Variants in SLMAP observed in about 807,000 individuals in gnomAD.
The protein encoded by SLMAP is sarcolemma associated protein.
SLMAP carries 44 observed loss-of-function variants against 128.8 expected under a neutral mutation model. The ratio of observed to expected loss-of-function variants is 0.34; its 90% CI spans 0.27 to 0.44. SLMAP has a LOEUF of 0.44. Ranked by LOEUF, SLMAP falls within the 20% of genes least tolerant of loss-of-function variation. The pLI is 1.00. For missense variants in SLMAP, 787 were observed against 985.3 expected, an observed-to-expected ratio of 0.80 and a Z score of 2.69; for synonymous variants, 327 against 348.8, an observed-to-expected ratio of 0.94 and a Z score of 0.70.
chr3:57,789,493 A>T (rs1004279068), intron 2 of SLMAP, among the ~76,000 whole-genome samples: 1 of 152,054 alleles, frequency 6.6e-6, no homozygotes, highest in Non-Finnish European at 1.5e-5. Flanking sequence ...ATAATGAGGA[A>T]CCTGATCATA....
chr3:57,923,634 C>T (rs906389625), intron 23 of SLMAP, among the ~76,000 whole-genome samples: 3 of 152,106 alleles, frequency 2.0e-5, no homozygotes, highest in African/African-American at 4.8e-5. Flanking sequence ...TTGTGTTGTA[C>T]GTTTTGGTGA....
At position 57,929,382 on chromosome 3, in the gene SLMAP, T is replaced by C. The variant is rs2097048822; in HGVS notation, c.*2093T>C. ...TTTTTCTCTTTTAATATGGTTATTG[T>C]TAAAATGAGAGTCACTTGCTAGACT... On this transcript the variant is annotated 3_prime_UTR_variant, in exon 25 of 25. Coordinates refer to ENST00000671191, the MANE Select transcript of SLMAP (RefSeq NM_001377540.1). 6.6e-6 allele frequency among the ~76,000 whole-genome samples: 1 copy of C among 152,222 alleles called. No homozygotes were observed. Among genetic ancestry groups the C allele is most frequent in the Non-Finnish European group, 1.5e-5 (1 of 68,032 alleles).
chr3:57,917,428 G>T, intron 22 of SLMAP: 1 of 318,824 alleles, frequency 3.1e-6, no homozygotes, highest in East Asian at 8.4e-5. Flanking sequence ...GCAAACTGAG[G>T]CCATACTCTA....
In SLMAP at chr3:57,757,758, G is replaced by A; in HGVS notation, c.107G>A (p.Arg36His). 1 of 1,614,118 alleles carries A rather than the reference G, an allele frequency of 6.2e-7. No individual in the cohort carries two copies. The highest frequency in any genetic ancestry group is 8.5e-7 in the Non-Finnish European group (1 of 1,179,984). The change falls in exon 2 of 25, where the codon CGC becomes CAC. Residue 36 changes from arginine (R) to histidine (H), a missense_variant. This residue lies in a region of SLMAP where 72 missense variants were observed against 141.8 expected (regional missense o/e 0.51). Transcript: ENST00000671191. ...EPIKIGRSVA[R>H]CRPAQNNATF... is the part of the protein sequence containing the mutation. The stretch of plus-strand genomic sequence containing the variant: ...ATCAAAATCGGCCGCTCAGTGGCCC[G>A]CTGTCGACCAGCGCAGAATAATGCC...
intron 14 of SLMAP, among the ~76,000 whole-genome samples, chr3:57,888,949 A>T (rs1022596566): frequency 6.6e-6 from 1 of 150,736 alleles, no homozygotes; most frequent in East Asian, 2.0e-4. Flanking sequence ...CAGTGGCGCC[A>T]TCTCTGCTCA....
chr3:57,783,318 T>C (rs890798905), intron 2 of SLMAP, among the ~76,000 whole-genome samples: 1 of 152,232 alleles, frequency 6.6e-6, no homozygotes, highest in Admixed American at 6.5e-5. Context: ...GCCATTCCGA[T>C]GAGCTCTCAG....
At chr3:57,841,026 A>G (rs1577375314) in intron 3 of SLMAP, among the ~76,000 whole-genome samples, 2 of 152,190 alleles carry the variant, frequency 1.3e-5, no homozygotes, top group Non-Finnish European at 2.9e-5. Flanking sequence ...TTTTATTTCC[A>G]TATATTCAAC....
At chr3:57,910,176 T>C (rs2096660145) in intron 19 of SLMAP, among the ~76,000 whole-genome samples, 1 of 152,066 alleles carries the variant, frequency 6.6e-6, no homozygotes, top group Admixed American at 6.6e-5. Context: ...AACACACTTG[T>C]ATTGCAAGAA....
chr3:57,866,749 G>A (rs555633447), intron 13 of SLMAP, among the ~76,000 whole-genome samples: 1 of 152,134 alleles, frequency 6.6e-6, no homozygotes, highest in East Asian at 1.9e-4. Context: ...CACGCATGGT[G>A]GCCACACACC....
At chr3:57,849,510 G>T (rs1340571517) in intron 5 of SLMAP, among the ~76,000 whole-genome samples, 1 of 152,084 alleles carries the variant, frequency 6.6e-6, no homozygotes, top group African/African-American at 2.4e-5. Flanking sequence ...ATTTAATGAT[G>T]AATTTTAAAG....
chr3:57,875,576 G>T (rs2095586313), intron 14 of SLMAP, among the ~76,000 whole-genome samples: 1 of 152,148 alleles, frequency 6.6e-6, no homozygotes, highest in African/African-American at 2.4e-5. Flanking sequence ...GAATCCTTTC[G>T]GTCCCTGAGT....
intron 2 of SLMAP, among the ~76,000 whole-genome samples, chr3:57,817,079 A>G (rs1046995450): frequency 5.9e-5 from 9 of 152,250 alleles, no homozygotes; most frequent in African/African-American, 2.2e-4. Context: ...CAGAGGGTCA[A>G]CAGTCTTTTT....
intron 2 of SLMAP, among the ~76,000 whole-genome samples, chr3:57,760,304 C>T (rs2153426817): frequency 6.6e-6 from 1 of 152,322 alleles, no homozygotes; most frequent in South Asian, 2.1e-4. Flanking sequence ...CTACCATTTT[C>T]ACTTTTTTCC....
chr3:57,764,630 G>A (rs897911489), intron 2 of SLMAP, among the ~76,000 whole-genome samples: 1 of 152,118 alleles, frequency 6.6e-6, no homozygotes, highest in Non-Finnish European at 1.5e-5. Context: ...ACTATATACT[G>A]GGCCCTATTC....
At chr3:57,880,544 G>A (rs1282071655) in intron 14 of SLMAP, among the ~76,000 whole-genome samples, 1 of 151,926 alleles carries the variant, frequency 6.6e-6, no homozygotes, top group Non-Finnish European at 1.5e-5. Flanking sequence ...TTAAAATGGT[G>A]GAAAATGAAT....
intron 2 of SLMAP, among the ~76,000 whole-genome samples, chr3:57,758,950 T>G (rs1319371248): frequency 6.6e-6 from 1 of 152,218 alleles, no homozygotes; most frequent in African/African-American, 2.4e-5. Context: ...TAATTAAATC[T>G]TTCTTAAAGG....
At chr3:57,867,725 A>G (rs1440317836) in intron 13 of SLMAP, among the ~76,000 whole-genome samples, 2 of 152,210 alleles carry the variant, frequency 1.3e-5, no homozygotes, top group Non-Finnish European at 2.9e-5. Flanking sequence ...TACCCATATT[A>G]TATAATTTTA....
At chr3:57,870,307 G>A (rs534230158) in intron 13 of SLMAP, among the ~76,000 whole-genome samples, 4 of 151,922 alleles carry the variant, frequency 2.6e-5, no homozygotes, top group Admixed American at 6.6e-5. Flanking sequence ...GAGGGCTCCC[G>A]TTTTGCTTTT....
At chr3:57,844,133 C>T (rs1462162484) in intron 4 of SLMAP, among the ~76,000 whole-genome samples, 1 of 151,788 alleles carries the variant, frequency 6.6e-6, no homozygotes, top group Non-Finnish European at 1.5e-5. Flanking sequence ...TGGCTCGTGC[C>T]TGTAATCCCA....
Sources: allele counts gnomAD v4.1 joint callset (sites outside exome capture counted in the v4.1 genomes callset), GRCh38; gene constraint gnomAD v4.1.1; regional missense constraint gnomAD v4.1.1; transcripts MANE v1.5; gene names NCBI Gene and HGNC (gene_info 2026-07-23, HGNC 2026-07-21).